The following SMYD3 variants were observed in gnomAD, a reference collection of about 807,000 sequenced individuals.
SMYD3 encodes SET and MYND domain containing 3, also known as histone-lysine N-methyltransferase SMYD3.
SMYD3 carries 36 observed loss-of-function variants against 57.7 expected under a neutral mutation model. That is an observed-to-expected ratio of 0.62 (90% CI 0.48 to 0.82). The LOEUF (loss-of-function observed/expected upper bound fraction) is 0.82. SMYD3 is among the 40% of genes least tolerant of loss of function. The pLI, the probability that SMYD3 is intolerant of heterozygous loss-of-function variation, is 0.00. For synonymous variants in SMYD3, 211 were observed against 195.0 expected (o/e 1.08, Z -0.68); for missense variants, 515 against 538.8 (o/e 0.96, Z 0.44).
At chr1:246,188,846 A>G (rs540117575) in intron 5 of SMYD3, among the ~76,000 whole-genome samples, 1 of 152,112 alleles carries the variant, frequency 6.6e-6, no homozygotes, top group African/African-American at 2.4e-5. Flanking sequence ...TTGTGGTCCC[A>G]GCTACTCGGG....
intron 1 of SMYD3, among the ~76,000 whole-genome samples, chr1:246,444,175 A>G (rs1466576643): frequency 2.8e-5 from 4 of 144,844 alleles, no homozygotes; most frequent in South Asian, 2.2e-4. Context: ...CACCCAGGCT[A>G]GAGTGCAGGT....
Position 245,928,321 on chromosome 1 carries a change from G to A in SMYD3, c.600-288C>T, listed in dbSNP as rs552023426. Among the ~76,000 whole-genome samples, 110 of 152,230 alleles carry A rather than the reference G, an allele frequency of 7.2e-4. 1 individual carries two copies. The highest frequency in any genetic ancestry group is 2.6e-3 in the African/African-American group (106 of 41,540). On this transcript the variant is annotated intron_variant, in intron 6 of 11. Coordinates refer to ENST00000490107, the MANE Select transcript of SMYD3 (RefSeq NM_001167740.2). ...GGATTGGGGCATAGTTGACTGATTAGATAACAGTCAATAAGGCAACCCAAC... is the reference window on the plus strand; with the variant it reads ...GGATTGGGGCATAGTTGACTGATTAAATAACAGTCAATAAGGCAACCCAAC...
chr1:246,299,320 C>T (rs888941477), intron 5 of SMYD3, among the ~76,000 whole-genome samples: 1 of 152,024 alleles, frequency 6.6e-6, no homozygotes, highest in Admixed American at 6.6e-5. Context: ...GTCAGAATGG[C>T]TATTATTAAA....
chr1:246,108,941 C>T (rs1464127909), intron 5 of SMYD3, among the ~76,000 whole-genome samples: 3 of 152,216 alleles, frequency 2.0e-5, no homozygotes, highest in Non-Finnish European at 4.4e-5. Context: ...CCTTCTAATG[C>T]ACCATCTTCT....
At chr1:245,890,397 TAA>T (rs1489080577) in intron 8 of SMYD3, among the ~76,000 whole-genome samples, 1 of 152,108 alleles carries the variant, frequency 6.6e-6, no homozygotes, top group East Asian at 1.9e-4. Flanking sequence ...GAAAAAAATC[TAA>T]CAATCTAACA....
chr1:246,081,026 T>G (rs1240041990), intron 5 of SMYD3, among the ~76,000 whole-genome samples: 2 of 148,622 alleles, frequency 1.3e-5, no homozygotes, highest in Non-Finnish European at 2.9e-5. Context: ...CCAATACAGA[T>G]AAGTTACCAC....
At chr1:245,971,543 G>A (rs947651323) in intron 5 of SMYD3, among the ~76,000 whole-genome samples, 7 of 152,128 alleles carry the variant, frequency 4.6e-5, no homozygotes, top group South Asian at 2.1e-4. Flanking sequence ...GAACGCACAC[G>A]CTCTCGTCTG....
rs61831344 is a variant in SMYD3, at chr1:245,817,017, G to T, written c.1076+41479C>A. Among the ~76,000 whole-genome samples, 257 of 151,304 alleles carry T rather than the reference G, an allele frequency of 1.7e-3. 1 individual carries two copies. Among genetic ancestry groups the T allele is most frequent in the African/African-American group, 5.6e-3 (230 of 41,282 alleles). On this transcript the variant is annotated intron_variant, in intron 10 of 11. Transcript: ENST00000490107. Reference sequence around the variant, plus strand: ...GCTTGCTTAGGTAAACAAAGCAGCCGGGAAGCTCGAACTGGGTGGAGCCCA... The same window carrying T: ...GCTTGCTTAGGTAAACAAAGCAGCCTGGAAGCTCGAACTGGGTGGAGCCCA...
Position 245,864,036 on chromosome 1 carries a change from CCA to C in SMYD3, c.814-152_814-151del, listed in dbSNP as rs1448336965. On this transcript the variant is annotated intron_variant, in intron 8 of 11. Transcript: ENST00000490107. ...CATCAGGGAAATATATAAAGCAAAACCACAGTGAGATGTTACTTGATACCCAC... is the reference window on the plus strand; with the variant it reads ...CATCAGGGAAATATATAAAGCAAAACCAGTGAGATGTTACTTGATACCCAC... The C allele has an allele frequency of 4.5e-6, 3 of 668,128 alleles. No homozygotes were observed. In the Admixed American group the frequency reaches 8.0e-5, roughly 18 times the overall value. The allele number at this position is 668,128 out of a possible 1,614,324, so 41.4% of individuals were successfully genotyped here.
intron 5 of SMYD3, among the ~76,000 whole-genome samples, chr1:246,177,748 G>C (rs765423360): frequency 1.3e-5 from 2 of 152,126 alleles, no homozygotes; most frequent in African/African-American, 2.4e-5. Flanking sequence ...AAAACACATA[G>C]AGCTATGAGG....
chr1:246,480,627 C>T (rs1272308408), intron 1 of SMYD3, among the ~76,000 whole-genome samples: 1 of 152,098 alleles, frequency 6.6e-6, no homozygotes, highest in Non-Finnish European at 1.5e-5. Context: ...CGTCTGCTCC[C>T]TTACAAAATG....
At chr1:246,265,452 T>TG (rs1444893379) in intron 5 of SMYD3, among the ~76,000 whole-genome samples, 3 of 152,200 alleles carry the variant, frequency 2.0e-5, no homozygotes, top group Admixed American at 6.6e-5. Context: ...CTTCGTTTTT[T>TG]TTGTTGTTGT....
intron 5 of SMYD3, among the ~76,000 whole-genome samples, chr1:246,217,513 TATAA>T (rs2063183772): frequency 1.3e-5 from 2 of 151,902 alleles, no homozygotes; most frequent in Non-Finnish European, 2.9e-5. Context: ...TGTCTCAAAA[TATAA>T]ATAAACTAAA....
chr1:246,266,184 A>G (rs1279671691), intron 5 of SMYD3, among the ~76,000 whole-genome samples: 2 of 152,174 alleles, frequency 1.3e-5, no homozygotes, highest in African/African-American at 4.8e-5. Flanking sequence ...TTTGTTTACA[A>G]TGTATCAAAG....
rs2048639046 is a variant in SMYD3, at chr1:245,813,898, A to G, written c.1076+44598T>C. ...TATATATATATATATATATATATATATATATACAGATGAATCACTGGCATG... is the reference window on the plus strand; with the variant it reads ...TATATATATATATATATATATATATGTATATACAGATGAATCACTGGCATG... On this transcript the variant is annotated intron_variant, in intron 10 of 11. Coordinates refer to ENST00000490107, the MANE Select transcript of SMYD3 (RefSeq NM_001167740.2). 5.6e-5 allele frequency among the ~76,000 whole-genome samples: 6 copies of G among 107,220 alleles called. No individual in the cohort carries two copies. In the South Asian group the frequency reaches 1.9e-3, roughly 34 times the overall value. The allele number at this position is 107,220 out of a possible 152,430, so 70.3% of individuals were successfully genotyped here. A position where few individuals can be genotyped will look rare whatever the true frequency, so the allele number is the denominator to read the frequency against.
Position 246,355,437 on chromosome 1 carries a change from A to G in SMYD3, c.165-343T>C, listed in dbSNP as rs1348293044. ...ACAGCAACATACCAGGTAAACTAAG[A>G]GAATCCACAGACCCTCTGAAGGAAC... On this transcript the variant is annotated intron_variant, in intron 1 of 11. Transcript: ENST00000490107. This position sits in a 1 kb window ranked among gnomAD's most constrained non-coding sequence, Gnocchi z 5.0. 4.4e-6 allele frequency: 1 copy of G among 229,328 alleles called. No homozygotes were observed. The highest frequency in any genetic ancestry group is 2.3e-5 in the African/African-American group (1 of 43,226). 14.2% of individuals were successfully genotyped at this position (229,328 alleles called of 1,614,324 possible).
chr1:245,842,728 A>T (rs1209127359), intron 10 of SMYD3, among the ~76,000 whole-genome samples: 1 of 151,974 alleles, frequency 6.6e-6, no homozygotes, highest in African/African-American at 2.4e-5. Flanking sequence ...TTTTTTTTAG[A>T]GATGGGGTCT....
intron 5 of SMYD3, among the ~76,000 whole-genome samples, chr1:246,100,818 C>T (rs1364016131): frequency 6.6e-6 from 1 of 152,140 alleles, no homozygotes; most frequent in Non-Finnish European, 1.5e-5. Flanking sequence ...CCCACGAACA[C>T]TCTATTCTCT....
At chr1:246,443,058 GGATTTTGTATATTCC>G (rs1316557626) in intron 1 of SMYD3, among the ~76,000 whole-genome samples, 1 of 151,982 alleles carries the variant, frequency 6.6e-6, no homozygotes, top group Non-Finnish European at 1.5e-5. Flanking sequence ...TTCCTATTTT[GGATTTTGTATATTCC>G]TTCCAGTTGT....
Sources: allele counts gnomAD v4.1 joint callset (sites outside exome capture counted in the v4.1 genomes callset), GRCh38; gene constraint gnomAD v4.1.1; non-coding constraint Gnocchi (gnomAD v3.1); transcripts MANE v1.5; gene names NCBI Gene and HGNC (gene_info 2026-07-23, HGNC 2026-07-21).